Variants in SLC25A26 observed in about 807,000 individuals in gnomAD.
SLC25A26 encodes the protein solute carrier family 25 member 26, also known as mitochondrial S-adenosylmethionine carrier protein.
SLC25A26 carries 36 observed loss-of-function variants against 37.8 expected under a neutral mutation model. The ratio of observed to expected loss-of-function variants is 0.95; its 90% CI spans 0.73 to 1.26. The LOEUF (loss-of-function observed/expected upper bound fraction) is 1.26. SLC25A26 is among the 50% of genes most tolerant of loss of function. The pLI, the probability that SLC25A26 is intolerant of heterozygous loss-of-function variation, is 0.00. For synonymous variants in SLC25A26, 129 were observed against 122.5 expected, an observed-to-expected ratio of 1.05 and a Z score of -0.35; for missense variants, 390 against 331.1, an observed-to-expected ratio of 1.18 and a Z score of -1.38.
intron 1 of SLC25A26, among the ~76,000 whole-genome samples, chr3:66,235,573 G>T (rs781931329): frequency 1.3e-5 from 2 of 152,154 alleles, no homozygotes; most frequent in Admixed American, 6.5e-5. Context: ...TTAAAATACA[G>T]ATCCAGATTC....
chr3:66,217,067 T>C (rs1405403487), upstream of SLC25A26, among the ~76,000 whole-genome samples: 1 of 152,216 alleles, frequency 6.6e-6, no homozygotes, highest in Non-Finnish European at 1.5e-5. Context: ...TTCTTCTTGA[T>C]TCTGAAAGAT....
chr3:66,351,775 T>C (rs2076459181), intron 6 of SLC25A26, among the ~76,000 whole-genome samples: 2 of 152,174 alleles, frequency 1.3e-5, no homozygotes, highest in Non-Finnish European at 2.9e-5. Context: ...TTAAGAATGA[T>C]TCCAGAGTTG....
chr3:66,366,516 ACCTATTGAAG>A (rs2076827604), intron 7 of SLC25A26, among the ~76,000 whole-genome samples: 1 of 152,168 alleles, frequency 6.6e-6, no homozygotes, highest in Admixed American at 6.5e-5. Context: ...TAAAGTTAGG[ACCTATTGAAG>A]CATACATGTT....
At chr3:66,162,724 A>G (rs557156463) in intron 1 of SLC25A26, among the ~76,000 whole-genome samples, 1 of 152,382 alleles carries the variant, frequency 6.6e-6, no homozygotes, top group South Asian at 2.1e-4. Flanking sequence ...AATGCTTAGC[A>G]TGAGTCCTGC....
chr3:66,181,147 T>A (rs1000693272), intron 1 of SLC25A26, among the ~76,000 whole-genome samples: 6 of 152,222 alleles, frequency 3.9e-5, no homozygotes, highest in African/African-American at 1.4e-4. Flanking sequence ...TGTTTGGCAG[T>A]TCTAGGCAAC....
At chr3:66,207,914 G>A (rs1010041141) in intron 1 of SLC25A26, among the ~76,000 whole-genome samples, 1 of 152,172 alleles carries the variant, frequency 6.6e-6, no homozygotes, top group Non-Finnish European at 1.5e-5. Flanking sequence ...TTATCAGCAA[G>A]ATAGAGGTAG....
rs369001586 is a variant in SLC25A26 at position 66,338,613 on chromosome 3, T to C, written c.454-7751T>C. 5.3e-5 allele frequency among the ~76,000 whole-genome samples: 8 copies of C among 152,114 alleles called. No individual in the cohort carries two copies. In the South Asian group the frequency reaches 1.0e-3, roughly 20 times the overall value. ...TCAGTATCATTAATTACATTCACAG[T>C]GTTGTGTAACAGTCATTACTATCTA... On this transcript the variant is annotated intron_variant, in intron 5 of 9. Transcript: ENST00000354883.
At chr3:66,294,384 C>G (rs1470516319) in intron 5 of SLC25A26, among the ~76,000 whole-genome samples, 1 of 152,110 alleles carries the variant, frequency 6.6e-6, no homozygotes, top group African/African-American at 2.4e-5. Flanking sequence ...TGAGACTCTG[C>G]TGAAGTTGTT....
chr3:66,275,841 T>A (rs2074124026), intron 5 of SLC25A26, among the ~76,000 whole-genome samples: 1 of 152,096 alleles, frequency 6.6e-6, no homozygotes, highest in African/African-American at 2.4e-5. Context: ...ATGAAAATAA[T>A]AAAACTTATG....
chr3:66,220,708 C>G (rs1559583064), upstream of SLC25A26: 8 of 313,492 alleles, frequency 2.6e-5, no homozygotes, highest in South Asian at 1.4e-4. Context: ...CGACTCCTCC[C>G]TCCGCCACAG....
intron 5 of SLC25A26, among the ~76,000 whole-genome samples, chr3:66,333,901 G>A (rs1485670323): frequency 2.0e-5 from 3 of 152,076 alleles, no homozygotes; most frequent in East Asian, 1.9e-4. Context: ...GCAAGTCTTC[G>A]CTTCCATTTA....
At chr3:66,166,663 T>G (rs1163188612) in intron 1 of SLC25A26, among the ~76,000 whole-genome samples, 1 of 152,202 alleles carries the variant, frequency 6.6e-6, no homozygotes, top group African/African-American at 2.4e-5. Context: ...CACTGTCTAT[T>G]TGTAGCTTTT....
chr3:66,375,032 A>G (rs2107869386), intron 9 of SLC25A26, among the ~76,000 whole-genome samples: 1 of 152,352 alleles, frequency 6.6e-6, no homozygotes, highest in East Asian at 1.9e-4. Flanking sequence ...AGGAAATGAA[A>G]AGTGCTATCC....
intron 3 of SLC25A26, among the ~76,000 whole-genome samples, chr3:66,251,932 GTTAACTTTTTAT>G: frequency 6.6e-6 from 1 of 152,074 alleles, no homozygotes; most frequent in African/African-American, 2.4e-5. Flanking sequence ...GGGAAGCTCT[GTTAACTTTTTAT>G]TTAAGAGCTG....
chr3:66,149,364 G>C (rs1390700936), intron 1 of SLC25A26, among the ~76,000 whole-genome samples: 1 of 152,110 alleles, frequency 6.6e-6, no homozygotes, highest in African/African-American at 2.4e-5. Context: ...ACACAGGTTA[G>C]GGATGACATA....
chr3:66,172,122 A>T (rs1439892033), intron 1 of SLC25A26, among the ~76,000 whole-genome samples: 3 of 152,268 alleles, frequency 2.0e-5, no homozygotes, highest in East Asian at 1.9e-4. Flanking sequence ...ATTAAGTTTT[A>T]AAAAAATGTC....
At chr3:66,236,798 G>A in intron 2 of SLC25A26, 98 bp downstream of exon 2, 1 of 879,154 alleles carries the variant, frequency 1.1e-6, no homozygotes, top group South Asian at 3.1e-5. Context: ...GTGTGTTGAA[G>A]CTTATCTTCT....
intron 1 of SLC25A26, among the ~76,000 whole-genome samples, chr3:66,154,694 G>A (rs568843862): frequency 6.6e-6 from 1 of 151,940 alleles, no homozygotes; most frequent in Non-Finnish European, 1.5e-5. Context: ...TGTTGCCCAG[G>A]CTCATCTCAA....
chr3:66,287,427 G>A (rs1231547533), intron 5 of SLC25A26, among the ~76,000 whole-genome samples: 6 of 151,598 alleles, frequency 4.0e-5, no homozygotes, highest in African/African-American at 7.3e-5. Context: ...TCAATAATTC[G>A]GTATCTTTCA....
Sources: gnomAD v4.1 joint callset for allele counts (sites outside exome capture counted in the v4.1 genomes callset) on GRCh38, gnomAD v4.1.1 for gene constraint, MANE v1.5 for transcripts, NCBI Gene and HGNC (gene_info 2026-07-23, HGNC 2026-07-21) for gene names.